Variants in VPS39 observed in about 807,000 individuals in gnomAD.
VPS39 encodes vam6/Vps39-like protein.
Under a neutral mutation model 121.0 loss-of-function variants are expected in VPS39, and 70 were observed. The ratio of observed to expected loss-of-function variants is 0.58; its 90% CI spans 0.48 to 0.71. VPS39 has a LOEUF of 0.71. Ranked by LOEUF, VPS39 falls within the 30% of genes least tolerant of loss-of-function variation. The pLI, the probability that VPS39 is intolerant of heterozygous loss-of-function variation, is 0.00. For synonymous variants in VPS39, 378 were observed against 398.1 expected, an observed-to-expected ratio of 0.95 and a Z score of 0.60; for missense variants, 818 against 1,051.5, an observed-to-expected ratio of 0.78 and a Z score of 3.07.
At chr15:42,166,541 C>T in intron 15 of VPS39, 22 bp downstream of exon 15, 1 of 1,613,694 alleles carries the variant, frequency 6.2e-7, no homozygotes, top group Non-Finnish European at 8.5e-7. Flanking sequence ...GCTTTCCCAC[C>T]CCTTTCAAAA....
intron 4 of VPS39, 50 bp from the exon 5 acceptor site, chr15:42,189,258 C>T: frequency 6.7e-7 from 1 of 1,493,364 alleles, no homozygotes. Context: ...AATTCTCTAG[C>T]ATAGCCACTA....
At chr15:42,193,653 G>T (rs564513515) in intron 2 of VPS39, among the ~76,000 whole-genome samples, 1 of 152,014 alleles carries the variant, frequency 6.6e-6, no homozygotes, top group East Asian at 1.9e-4. Context: ...TTCATTATAG[G>T]ATGTTAAAAA....
chr15:42,182,104 G>A (rs934979420), intron 8 of VPS39, among the ~76,000 whole-genome samples: 5 of 152,080 alleles, frequency 3.3e-5, no homozygotes, highest in African/African-American at 1.2e-4. Flanking sequence ...AAGCTATGAG[G>A]GAACTCAGAA....
chr15:42,167,755 T>C (rs935184115), intron 12 of VPS39, among the ~76,000 whole-genome samples: 2 of 152,142 alleles, frequency 1.3e-5, no homozygotes, highest in Admixed American at 6.5e-5. Context: ...ACTTTATATA[T>C]ACCATCTTAA....
intron 7 of VPS39, among the ~76,000 whole-genome samples, chr15:42,185,290 T>C (rs1197207335): frequency 6.6e-6 from 1 of 151,590 alleles, no homozygotes; most frequent in Non-Finnish European, 1.5e-5. Flanking sequence ...ACAATCCTCC[T>C]GCCTCAGCCT....
At chr15:42,165,654 CAG>C in intron 17 of VPS39, 62 bp downstream of exon 17, 1 of 1,337,760 alleles carries the variant, frequency 7.5e-7, no homozygotes, top group South Asian at 1.2e-5. Context: ...AGCCCGATAA[CAG>C]AACCACGCAG....
chr15:42,181,235 A>C (rs1250374144), intron 8 of VPS39, among the ~76,000 whole-genome samples: 1 of 152,200 alleles, frequency 6.6e-6, no homozygotes, highest in African/African-American at 2.4e-5. Flanking sequence ...TACCTTTTTA[A>C]GGTTCAGCCT....
In VPS39 at chr15:42,169,916, G is replaced by T. The variant is rs774898856; in HGVS notation, c.1091-50C>A. On this transcript the variant is annotated intron_variant, in intron 11 of 24. Coordinates refer to ENST00000318006, the MANE Select transcript of VPS39 (RefSeq NM_015289.5). ...CTCTGGAAAGGAGCCCAACAATTTAGGGATAAAATAAAACAGGACTATTAC... is the reference window on the plus strand; with the variant it reads ...CTCTGGAAAGGAGCCCAACAATTTATGGATAAAATAAAACAGGACTATTAC... 1.9e-6 allele frequency: 3 copies of T among 1,555,748 alleles called. No individual in the cohort carries two copies. In the South Asian group the frequency reaches 3.7e-5, roughly 19 times the overall value.
At chr15:42,165,479 T>C in intron 17 of VPS39, 1 of 484,054 alleles carries the variant, frequency 2.1e-6, no homozygotes, top group East Asian at 3.4e-5. Context: ...AAATGTGGCT[T>C]TGGAATTTTT....
chr15:42,169,720 C>G lies in VPS39; in HGVS notation c.1233+4G>C. 6.2e-7 allele frequency: 1 copy of G among 1,613,694 alleles called. No individual in the cohort carries two copies. Among genetic ancestry groups the G allele is most frequent in the South Asian group, 1.1e-5 (1 of 91,056 alleles). On this transcript the variant is annotated splice_donor_region_variant and intron_variant, in intron 12 of 24. Transcript: ENST00000318006. ...CTCTTTCACGCACTCTGTACTATAC[C>G]TACCTGTGTCAGGTAGTCAATCAGA... is the stretch of plus-strand genomic sequence containing the variant.
intron 2 of VPS39, 57 bp from the exon 3 acceptor site, chr15:42,191,617 A>G: frequency 6.7e-7 from 1 of 1,485,828 alleles, no homozygotes; most frequent in Non-Finnish European, 9.4e-7. Flanking sequence ...TAGAAAAACC[A>G]CTACTAGAAA....
intron 1 of VPS39, 87 bp downstream of exon 1, chr15:42,207,994 G>A (rs2050210805): frequency 6.3e-6 from 9 of 1,424,856 alleles, no homozygotes; most frequent in African/African-American, 1.4e-5. Flanking sequence ...CCACACGGAT[G>A]GACGCCTGTC....
At chr15:42,163,202 CT>C (rs1453873338) in intron 21 of VPS39, 147 bp downstream of exon 21, 1 of 936,166 alleles carries the variant, frequency 1.1e-6, no homozygotes, top group Non-Finnish European at 1.7e-6. Context: ...GAATGGTCCC[CT>C]GCTGTCCCTC....
chr15:42,194,023 A>G (rs541202970), intron 2 of VPS39, among the ~76,000 whole-genome samples: 8 of 152,192 alleles, frequency 5.3e-5, no homozygotes, highest in Non-Finnish European at 8.8e-5. Flanking sequence ...CCTAGCACAC[A>G]GCAGAAGTGC....
rs149514774 is a variant in VPS39, at chr15:42,181,391, G to C, written c.719-2821C>G. Among the ~76,000 whole-genome samples, 67 of 152,094 alleles carry C rather than the reference G, an allele frequency of 4.4e-4. 1 individual carries two copies. In the East Asian group the frequency reaches 0.012, roughly 28 times the overall value. Reference sequence around the variant, plus strand: ...GCAGAAAGGAGAATGGTGGCTTCAGGGACTGGAGGGAGAAGAACTGAGGAG... The same window carrying C: ...GCAGAAAGGAGAATGGTGGCTTCAGCGACTGGAGGGAGAAGAACTGAGGAG... On this transcript the variant is annotated intron_variant, in intron 8 of 24. Transcript: ENST00000318006.
intron 11 of VPS39, among the ~76,000 whole-genome samples, chr15:42,170,670 G>A (rs963463281): frequency 5.4e-5 from 8 of 147,224 alleles, no homozygotes; most frequent in African/African-American, 1.2e-4. Context: ...AATGGTGCAC[G>A]TTAACAATGT....
At chr15:42,173,958 C>T in intron 10 of VPS39, 106 bp from the exon 11 acceptor site, 42 of 1,391,636 alleles carry the variant, frequency 3.0e-5, no homozygotes, top group Non-Finnish European at 4.0e-5. Context: ...CCAAAGTGTA[C>T]AAGACAAGGC....
At chr15:42,170,217 A>T (rs1361780183) in intron 11 of VPS39, among the ~76,000 whole-genome samples, 1 of 152,212 alleles carries the variant, frequency 6.6e-6, no homozygotes, top group Non-Finnish European at 1.5e-5. Flanking sequence ...AAAAAATTTA[A>T]GTCAAAAAAA....
At position 42,208,065 on chromosome 15, in the gene VPS39, C is replaced by G; in HGVS notation, c.73+16G>C. The stretch of plus-strand genomic sequence containing the variant: ...CTGTGCTGACTCCGCCTCGGCCCCG[C>G]GGCCCCTCGGCTCACCCCAGGCAGC... On this transcript the variant is annotated intron_variant, in intron 1 of 24. Transcript: ENST00000318006. 1 of 1,570,168 alleles carries G rather than the reference C, an allele frequency of 6.4e-7. No homozygotes were observed. Among genetic ancestry groups the G allele is most frequent in the East Asian group, 2.4e-5 (1 of 42,420 alleles).
Sources: allele counts gnomAD v4.1 joint callset (sites outside exome capture counted in the v4.1 genomes callset), GRCh38; gene constraint gnomAD v4.1.1; transcripts MANE v1.5; gene names NCBI Gene and HGNC (gene_info 2026-07-23, HGNC 2026-07-21).